Variants in PLEKHG5 observed in about 807,000 individuals in gnomAD.
PLEKHG5 encodes the protein pleckstrin homology and RhoGEF domain containing G5, also known as pleckstrin homology domain-containing family G member 5.
A neutral mutation model predicts 103.8 loss-of-function variants in PLEKHG5; 52 were observed. The observed-to-expected ratio is 0.50, with a 90% CI of 0.40 to 0.63. The LOEUF (loss-of-function observed/expected upper bound fraction) is 0.63. PLEKHG5 is among the 30% of genes least tolerant of loss of function. PLEKHG5 has a pLI of 0.00. For synonymous variants in PLEKHG5, 592 were observed against 575.5 expected (o/e 1.03, Z -0.41); for missense variants, 1,205 against 1,347.6 (o/e 0.89, Z 1.66).
In PLEKHG5 at chr1:6,474,439, G is replaced by C. The variant is rs778853521; in HGVS notation, c.439+12C>G. 67 of 1,613,514 alleles carry C rather than the reference G, an allele frequency of 4.2e-5. No homozygotes were observed. Among genetic ancestry groups the C allele is most frequent in the Admixed American group, 6.7e-5 (4 of 59,982 alleles). On this transcript the variant is annotated intron_variant, in intron 6 of 20. Coordinates refer to ENST00000377728, the MANE Select transcript of PLEKHG5 (RefSeq NM_020631.6). Reference sequence around the variant, plus strand: ...GTCCCAGCGGCCCCATTTGGCCCAGGCTGCTTCTCACCTTTGACACGAAGG... The same window carrying C: ...GTCCCAGCGGCCCCATTTGGCCCAGCCTGCTTCTCACCTTTGACACGAAGG...
chr1:6,503,000 C>T (rs1019550033), intron 1 of PLEKHG5, among the ~76,000 whole-genome samples: 2 of 152,348 alleles, frequency 1.3e-5, no homozygotes, highest in Non-Finnish European at 2.9e-5. Context: ...GTGCATGGTG[C>T]ATCTGGGTGC....
chr1:6,510,347 C>T (rs1638440986), intron 1 of PLEKHG5, among the ~76,000 whole-genome samples: 1 of 152,096 alleles, frequency 6.6e-6, no homozygotes, highest in Non-Finnish European at 1.5e-5. Context: ...AATCCCAGCA[C>T]TTTGGGAGGC....
chr1:6,502,116 G>A (rs1557768466), intron 1 of PLEKHG5, among the ~76,000 whole-genome samples: 1 of 152,254 alleles, frequency 6.6e-6, no homozygotes, highest in South Asian at 2.1e-4. Context: ...CCTCTTAGCC[G>A]CAGCAGCCTG....
At position 6,474,039 on chromosome 1, in the gene PLEKHG5, T is replaced by C. The variant is rs1321100552; in HGVS notation, c.565A>G (p.Ser189Gly). 27 of 1,461,638 alleles carry C rather than the reference T, an allele frequency of 1.8e-5. No individual in the cohort carries two copies. Among genetic ancestry groups the C allele is most frequent in the Non-Finnish European group, 2.4e-5 (26 of 1,089,192 alleles). The allele number at this position is 1,461,638 out of a possible 1,614,324, so 90.5% of individuals were successfully genotyped here. ...PPALERVDAQ[S>G]RRESLDILAP... ...AAGATGTCCAGGCTCTCCCGGCGGC[T>C]CTGGGCGTCCACACGCTCCAGGGCG... The change falls in exon 7 of 21, where the codon AGC (serine) becomes GGC (glycine). Residue 189 changes from serine (S) to glycine (G), a missense_variant. Physicochemically the swap from Ser to Gly is moderately conservative, Grantham distance 56. Transcript: ENST00000377728.
chr1:6,492,256 A>G (rs1025379319), upstream of PLEKHG5, among the ~76,000 whole-genome samples: 1 of 152,052 alleles, frequency 6.6e-6, no homozygotes, highest in Non-Finnish European at 1.5e-5. Context: ...ACACCCTCAC[A>G]TGTGGTGCCC....
chr1:6,490,995 C>T lies in PLEKHG5; in HGVS notation c.-88+642G>A, dbSNP rs1645142315. On this transcript the variant is annotated intron_variant, in intron 1 of 20. Coordinates refer to ENST00000377728, the MANE Select transcript of PLEKHG5 (RefSeq NM_020631.6). This position sits in a 1 kb window ranked among gnomAD's most constrained non-coding sequence, Gnocchi z 8.0. ...AGGCCTAGCCCGCCCCGGAATCGCC[C>T]TGAGCCAGGTTCGCTTCCGCTCTAT... Among the ~76,000 whole-genome samples, 1 of 152,172 alleles carries T rather than the reference C, an allele frequency of 6.6e-6. No individual in the cohort carries two copies. The highest frequency in any genetic ancestry group is 1.5e-5 in the Non-Finnish European group (1 of 68,014).
At position 6,468,294 on chromosome 1, in the gene PLEKHG5, G is replaced by A. The variant is rs770593694; in HGVS notation, c.2542C>T (p.Arg848Ter). 7.1e-5 allele frequency: 114 copies of A among 1,609,858 alleles called. No homozygotes were observed. Among genetic ancestry groups the A allele is most frequent in the Non-Finnish European group, 9.2e-5 (108 of 1,178,470 alleles). The part of the protein sequence containing the change: ...ELVPRAPESP[R>*]VPSPPPSPRL... ...GGCGAGGGTGGAGGGGAAGGAACTC[G>A]TGGGGACTCTGGGGCCCGAGGCACT... The change falls in exon 20 of 21, where the codon CGA (arginine) becomes TGA (stop). Residue 848 changes from arginine (R) to a stop codon, truncating the protein, a stop_gained. Coordinates refer to ENST00000377728, the MANE Select transcript of PLEKHG5 (RefSeq NM_020631.6). LOFTEE classifies it high-confidence loss of function.
At position 6,476,088 on chromosome 1, in the gene PLEKHG5, C is replaced by T. The variant is rs752578688; in HGVS notation, c.44-52G>A. 1.3e-5 allele frequency: 19 copies of T among 1,501,046 alleles called. No homozygotes were observed. In the South Asian group the frequency reaches 2.0e-4, roughly 16 times the overall value. 93.0% of individuals were successfully genotyped at this position (1,501,046 alleles called of 1,614,324 possible). The stretch of plus-strand genomic sequence containing the variant: ...GCCTCCCCCGCCCCTCCTTAGCCTG[C>T]AGCATGGCTGCCTCCAGAGGGACCA... On this transcript the variant is annotated intron_variant, in intron 2 of 20. Transcript: ENST00000377728.
chr1:6,477,350 A>G (rs1363680615), intron 2 of PLEKHG5, among the ~76,000 whole-genome samples, 179 bp downstream of exon 2: 4 of 152,260 alleles, frequency 2.6e-5, no homozygotes, highest in Non-Finnish European at 5.9e-5. Flanking sequence ...TGGAAGGGGC[A>G]CGCTCATGGA....
chr1:6,478,105 C>T (rs1346824093), intron 1 of PLEKHG5, among the ~76,000 whole-genome samples: 2 of 151,962 alleles, frequency 1.3e-5, no homozygotes, highest in Admixed American at 6.6e-5. Context: ...AGACTGGTCT[C>T]GAATTCCTGA....
Position 6,516,838 on chromosome 1 carries a change from GTATA to G in PLEKHG5, c.-165+2603_-165+2606del, listed in dbSNP as rs373625736. Among the ~76,000 whole-genome samples, 52 of 139,160 alleles carry G rather than the reference GTATA, an allele frequency of 3.7e-4. 1 individual carries two copies. Among genetic ancestry groups the G allele is most frequent in the African/African-American group, 1.2e-3 (45 of 37,058 alleles). The allele number at this position is 139,160 out of a possible 152,430, so 91.3% of individuals were successfully genotyped here. ...TATATATATGTGTATATATGTGTGT[GTATA>G]TATATATGTGTGTGTATATATGTGT... On this transcript the variant is annotated intron_variant, in intron 1 of 21. Coordinates refer to the PLEKHG5 transcript ENST00000377740.
chr1:6,493,516 G>A (rs1035814579), upstream of PLEKHG5, among the ~76,000 whole-genome samples: 7 of 152,276 alleles, frequency 4.6e-5, no homozygotes, highest in South Asian at 4.1e-4. Flanking sequence ...CTGGGCCTCC[G>A]TTTCCTTACA....
At chr1:6,511,866 C>A (rs990302400) in intron 1 of PLEKHG5, among the ~76,000 whole-genome samples, 4 of 152,198 alleles carry the variant, frequency 2.6e-5, no homozygotes, top group African/African-American at 9.6e-5. Context: ...TGGCAGGAAG[C>A]CCAGGGCCGG....
chr1:6,470,709 C>T, intron 14 of PLEKHG5, 26 bp downstream of exon 14: 1 of 1,551,210 alleles, frequency 6.4e-7, no homozygotes, highest in Non-Finnish European at 8.7e-7. Context: ...GCAGGGGGGA[C>T]GGCTCCCGCT....
chr1:6,472,114 C>A (rs921691689), intron 10 of PLEKHG5, among the ~76,000 whole-genome samples: 4 of 152,216 alleles, frequency 2.6e-5, no homozygotes, highest in African/African-American at 7.2e-5. Context: ...CCTGGCTTAG[C>A]CTCCAGATTT....
chr1:6,470,758 C>T lies in PLEKHG5; in HGVS notation c.1519G>A (p.Ala507Thr), dbSNP rs868002197. 1 of 1,562,326 alleles carries T rather than the reference C, an allele frequency of 6.4e-7. No individual in the cohort carries two copies. Among genetic ancestry groups the T allele is most frequent in the African/African-American group, 1.4e-5 (1 of 73,874 alleles). The stretch of plus-strand genomic sequence containing the variant: ...ACCATGGCGACGACGGCCTCCTTGG[C>T]GCGCGGCTCCTCGGTCTTCCTCAGC... The part of the protein sequence containing the change: ...SVLRKTEEPR[A>T]KEAVVAMIGS... The change falls in exon 14 of 21, where the codon GCC becomes ACC. Residue 507 changes from alanine to threonine, a missense_variant. Ala to Thr is a moderately conservative substitution (Grantham distance 58). Transcript: ENST00000377728.
At chr1:6,488,750 T>C (rs1447081629) in intron 1 of PLEKHG5, among the ~76,000 whole-genome samples, 1 of 151,940 alleles carries the variant, frequency 6.6e-6, no homozygotes, top group Non-Finnish European at 1.5e-5. Flanking sequence ...GCCCAAGAAG[T>C]CCTGGCCCCC....
intron 4 of PLEKHG5, 57 bp downstream of exon 4, chr1:6,475,405 G>C: frequency 6.7e-7 from 1 of 1,488,104 alleles, no homozygotes; most frequent in South Asian, 1.1e-5. Flanking sequence ...GCCCAGGCTC[G>C]GGGAAGGGCG....
At chr1:6,518,058 G>A (rs1039423840) in intron 1 of PLEKHG5, among the ~76,000 whole-genome samples, 1 of 151,768 alleles carries the variant, frequency 6.6e-6, no homozygotes, top group African/African-American at 2.4e-5. Context: ...TCAGCCTCCC[G>A]AGTAGCTGGG....
Sources: gnomAD v4.1 joint callset for allele counts (sites outside exome capture counted in the v4.1 genomes callset) on GRCh38, gnomAD v4.1.1 for gene constraint, Gnocchi (gnomAD v3.1) non-coding constraint, MANE v1.5 for transcripts, NCBI Gene and HGNC (gene_info 2026-07-23, HGNC 2026-07-21) for gene names.